Variants in SYN3 observed in about 807,000 individuals in gnomAD.
SYN3 encodes synapsin-3.
SYN3 carries 35 observed loss-of-function variants against 65.8 expected under a neutral mutation model. That is an observed-to-expected ratio of 0.53 (90% confidence interval 0.41 to 0.70). The LOEUF is 0.70. Ranked by LOEUF, SYN3 falls within the 30% of genes least tolerant of loss-of-function variation. The probability of loss-of-function intolerance (pLI) is 0.00; values close to 1 mark genes in which losing one functional copy is unlikely to be tolerated. For synonymous variants in SYN3, 270 were observed against 292.9 expected (o/e 0.92, Z 0.80); for missense variants, 680 against 749.0 (o/e 0.91, Z 1.08).
chr22:32,721,890 A>G (rs1218965857), intron 6 of SYN3, among the ~76,000 whole-genome samples: 7 of 152,210 alleles, frequency 4.6e-5, no homozygotes, highest in Admixed American at 4.6e-4. Context: ...GGGACATTTG[A>G]ACTGGAACCT....
intron 4 of SYN3, among the ~76,000 whole-genome samples, chr22:32,898,767 C>T (rs2049670607): frequency 6.6e-6 from 1 of 152,122 alleles, no homozygotes; most frequent in Non-Finnish European, 1.5e-5. Context: ...TGACTGTAGG[C>T]AAGTAGCTGA....
intron 3 of SYN3, among the ~76,000 whole-genome samples, chr22:32,964,824 C>T (rs1204309158): frequency 1.3e-5 from 2 of 152,068 alleles, no homozygotes; most frequent in Non-Finnish European, 1.5e-5. Flanking sequence ...CAGAACTTAG[C>T]TCCATTTCCT....
intron 4 of SYN3, among the ~76,000 whole-genome samples, chr22:32,898,638 T>C (rs890030909): frequency 2.6e-5 from 4 of 152,154 alleles, no homozygotes; most frequent in Admixed American, 1.3e-4. Flanking sequence ...GCCAGTCTGA[T>C]AGAAAAAACA....
intron 6 of SYN3, among the ~76,000 whole-genome samples, chr22:32,695,570 C>A (rs2060724720): frequency 6.6e-6 from 1 of 152,134 alleles, no homozygotes; most frequent in South Asian, 2.1e-4. Context: ...TGTGGGTCAC[C>A]AGAAAGCCCC....
At chr22:32,697,807 A>G (rs2060757471) in intron 6 of SYN3, among the ~76,000 whole-genome samples, 1 of 152,178 alleles carries the variant, frequency 6.6e-6, no homozygotes, top group Non-Finnish European at 1.5e-5. Flanking sequence ...TGGTCACTTG[A>G]CTGACTCTGG....
chr22:32,765,119 C>A (rs548004839), intron 6 of SYN3, among the ~76,000 whole-genome samples: 1 of 151,840 alleles, frequency 6.6e-6, no homozygotes, highest in African/African-American at 2.4e-5. Context: ...GGTTTGAGAG[C>A]GAGAGAGTGT....
intron 1 of SYN3, among the ~76,000 whole-genome samples, chr22:33,012,575 T>G (rs959283969): frequency 6.6e-6 from 1 of 152,176 alleles, no homozygotes; most frequent in Non-Finnish European, 1.5e-5. Context: ...AAGCAGGAAG[T>G]TTATTAGGCA....
At chr22:32,810,629 C>T (rs1285485769) in intron 6 of SYN3, among the ~76,000 whole-genome samples, 1 of 152,204 alleles carries the variant, frequency 6.6e-6, no homozygotes, top group Non-Finnish European at 1.5e-5. Context: ...TAATTATCCC[C>T]TCTGCCTCTG....
chr22:32,647,758 G>A (rs531060228), intron 6 of SYN3, among the ~76,000 whole-genome samples: 4 of 152,180 alleles, frequency 2.6e-5, no homozygotes, highest in East Asian at 3.9e-4. Flanking sequence ...ACAGGTGCGC[G>A]CCACCATATC....
At position 32,864,945 on chromosome 22, in the gene SYN3, C is replaced by T; in HGVS notation, c.681G>A (p.Glu227=). ...SLGPEKFPLV[E]QTFFPNHKPM... ...GCTTATGGTTGGGGAAAAATGTTTG[C>T]TCCACAAGCGGGAACTTCTCAGGAC... The change falls in exon 6 of 14, where the codon GAG becomes GAA. Residue 227 remains glutamate (E), a synonymous_variant. Transcript: ENST00000358763. The T allele has an allele frequency of 6.2e-7, 1 of 1,614,140 alleles. No homozygotes were observed. Among genetic ancestry groups the T allele is most frequent in the Non-Finnish European group, 8.5e-7 (1 of 1,179,986 alleles).
At chr22:32,962,238 C>T (rs1034491277) in intron 3 of SYN3, among the ~76,000 whole-genome samples, 1 of 148,038 alleles carries the variant, frequency 6.8e-6, no homozygotes, top group African/African-American at 2.5e-5. Flanking sequence ...TGGGTTCAAG[C>T]AATTCTCCTG....
chr22:32,960,771 G>A (rs1264724065), intron 3 of SYN3, among the ~76,000 whole-genome samples: 2 of 152,102 alleles, frequency 1.3e-5, no homozygotes, highest in Non-Finnish European at 2.9e-5. Flanking sequence ...TGCTGAGCGT[G>A]GGGTCAGACG....
intron 4 of SYN3, among the ~76,000 whole-genome samples, chr22:32,897,577 G>C (rs778007053): frequency 6.6e-6 from 1 of 152,196 alleles, no homozygotes; most frequent in Non-Finnish European, 1.5e-5. Context: ...AGGGTCTATA[G>C]CTAGATGATC....
At position 32,672,784 on chromosome 22, in the gene SYN3, C is replaced by T. The variant is rs925336646; in HGVS notation, c.712-76048G>A. ...TCCCACATTGGGAAACTGGGTGGGGCCTGGGGAGCCCCTTGGCCTTGGTCA... is the reference window on the plus strand; with the variant it reads ...TCCCACATTGGGAAACTGGGTGGGGTCTGGGGAGCCCCTTGGCCTTGGTCA... On this transcript the variant is annotated intron_variant, in intron 6 of 13. Transcript: ENST00000358763. Among the ~76,000 whole-genome samples, 10 of 152,202 alleles carry T rather than the reference C, an allele frequency of 6.6e-5. 1 individual carries two copies. The highest frequency in any genetic ancestry group is 2.2e-4 in the African/African-American group (9 of 41,452).
intron 6 of SYN3, among the ~76,000 whole-genome samples, chr22:32,657,506 G>A (rs1884925026): frequency 6.6e-6 from 1 of 152,226 alleles, no homozygotes; most frequent in Non-Finnish European, 1.5e-5. Context: ...AGTTAGCTGA[G>A]ACTCAGACAG....
intron 2 of SYN3, among the ~76,000 whole-genome samples, chr22:32,995,430 T>C (rs935308160): frequency 6.6e-6 from 1 of 152,222 alleles, no homozygotes; most frequent in Non-Finnish European, 1.5e-5. Context: ...ATTCATTGTC[T>C]ATCTAAGTAT....
chr22:32,711,516 G>A (rs1436358165), intron 6 of SYN3, among the ~76,000 whole-genome samples: 1 of 152,202 alleles, frequency 6.6e-6, no homozygotes, highest in Admixed American at 6.5e-5. Flanking sequence ...GGGGCAAGCA[G>A]AGTAATTGTG....
chr22:32,558,872 C>G (rs571934016), intron 7 of SYN3, among the ~76,000 whole-genome samples: 1 of 152,240 alleles, frequency 6.6e-6, no homozygotes, highest in African/African-American at 2.4e-5. Flanking sequence ...ACCTGAGTCA[C>G]CCGCCCCACC....
chr22:32,653,890 T>G (rs982160546), intron 6 of SYN3, among the ~76,000 whole-genome samples: 1 of 152,256 alleles, frequency 6.6e-6, no homozygotes, highest in Non-Finnish European at 1.5e-5. Context: ...CTGCTTCCTT[T>G]CCAGCCTTTT....
Sources: allele counts gnomAD v4.1 joint callset (sites outside exome capture counted in the v4.1 genomes callset), GRCh38; gene constraint gnomAD v4.1.1; transcripts MANE v1.5; gene names NCBI Gene and HGNC (gene_info 2026-07-23, HGNC 2026-07-21).